Variants in CELF2 observed in about 807,000 individuals in gnomAD.
The protein encoded by CELF2 is CUGBP Elav-like family member 2, also known as CUG triplet repeat RNA-binding protein 2.
CELF2 carries 8 observed loss-of-function variants against 62.6 expected under a neutral mutation model. The observed-to-expected ratio is 0.13, with a 90% CI of 0.07 to 0.23. The LOEUF (loss-of-function observed/expected upper bound fraction) is 0.23, where lower values mean the gene tolerates loss of function less well. CELF2 is among the 10% of genes least tolerant of loss of function. CELF2 has a pLI of 1.00. For synonymous variants in CELF2, 258 were observed against 250.0 expected (o/e 1.03, Z -0.30); for missense variants, 333 against 671.0 (o/e 0.50, Z 5.56).
chr10:11,072,410 T>A (rs2070380443), intron 1 of CELF2, among the ~76,000 whole-genome samples: 1 of 152,226 alleles, frequency 6.6e-6, no homozygotes, highest in Non-Finnish European at 1.5e-5. Flanking sequence ...AATGAATGGT[T>A]GGACTGTGTT....
rs1017314481 is a variant in CELF2, at chr10:10,934,579, G to A, written c.89+14580G>A. The stretch of plus-strand genomic sequence containing the variant: ...AAACTCAGGCAATGAAGGAGGGAGC[G>A]AGCAGTCCACATGATTCTCACATTT... On this transcript the variant is annotated intron_variant, in intron 2 of 13. Coordinates refer to the CELF2 transcript ENST00000636488. The surrounding 1 kb of genome is among the most constrained non-coding windows in gnomAD (Gnocchi z 4.4). The A allele has an allele frequency of 4.6e-5, 7 of 152,174 alleles. No individual in the cohort carries two copies. The highest frequency in any genetic ancestry group is 1.3e-4 in the Admixed American group (2 of 15,290). The allele number at this position is 152,174 out of a possible 1,614,324, so 9.4% of individuals were successfully genotyped here. A position where few individuals can be genotyped will look rare whatever the true frequency, so the allele number is the denominator to read the frequency against.
chr10:11,302,079 G>A lies in CELF2; in HGVS notation c.977-12060G>A, dbSNP rs183100296. ...ACAAGCAAATCCCTGCTCTTCAACC[G>A]GCTGTCTTCTGGTGGGGTTTCTTTT... On this transcript the variant is annotated intron_variant, in intron 9 of 12. Transcript: ENST00000633077. This position sits in a 1 kb window ranked among gnomAD's most constrained non-coding sequence, Gnocchi z 5.0. Among the ~76,000 whole-genome samples, 8 of 152,278 alleles carry A rather than the reference G, an allele frequency of 5.3e-5. No individual in the cohort carries two copies. Among genetic ancestry groups the A allele is most frequent in the Admixed American group, 2.0e-4 (3 of 15,298 alleles).
chr10:10,551,901 T>C, the CELF2 span, among the ~76,000 whole-genome samples: 2 of 152,160 alleles, frequency 1.3e-5, no homozygotes, highest in Non-Finnish European at 2.9e-5. Context: ...CATAGCTCTT[T>C]AGAGGGCCGC....
chr10:11,200,356 A>T (rs550617301), intron 2 of CELF2, among the ~76,000 whole-genome samples: 44 of 152,338 alleles, frequency 2.9e-4, no homozygotes, highest in African/African-American at 1.0e-3. Context: ...GCATGTTCCT[A>T]CAGCAAAGAT....
the CELF2 span, among the ~76,000 whole-genome samples, chr10:10,622,827 C>G: frequency 6.6e-6 from 1 of 151,902 alleles, no homozygotes; most frequent in African/African-American, 2.4e-5. Flanking sequence ...GGCGCGGTGG[C>G]TTATGCCTGT....
chr10:10,715,279 A>G, the CELF2 span, among the ~76,000 whole-genome samples: 1 of 152,178 alleles, frequency 6.6e-6, no homozygotes, highest in African/African-American at 2.4e-5. Context: ...GTAACTGGGG[A>G]AAAAATTTGT....
intron 1 of CELF2, among the ~76,000 whole-genome samples, chr10:10,905,278 G>A (rs1158285346): frequency 6.6e-6 from 1 of 152,192 alleles, no homozygotes; most frequent in Non-Finnish European, 1.5e-5. Context: ...TGAATATTGA[G>A]AGTATTTTTA....
intron 1 of CELF2, among the ~76,000 whole-genome samples, chr10:10,869,913 A>T (rs181513517): frequency 6.6e-6 from 1 of 152,302 alleles, no homozygotes; most frequent in East Asian, 1.9e-4. Context: ...GAGTATAAGG[A>T]TCAGTCACAG....
At chr10:10,989,516 G>A (rs941107753) in intron 2 of CELF2, among the ~76,000 whole-genome samples, 4 of 152,028 alleles carry the variant, frequency 2.6e-5, no homozygotes, top group Non-Finnish European at 4.4e-5. Context: ...AAATAATTAT[G>A]TTGTATCTTC....
At chr10:11,056,941 C>T (rs902268316) in intron 1 of CELF2, among the ~76,000 whole-genome samples, 9 of 152,176 alleles carry the variant, frequency 5.9e-5, no homozygotes, top group African/African-American at 1.9e-4. Context: ...CCATGTTCAA[C>T]CTTCTAACCA....
chr10:11,326,116 T>G, intron 12 of CELF2, 137 bp downstream of exon 12: 2 of 890,490 alleles, frequency 2.2e-6, no homozygotes, highest in Non-Finnish European at 1.7e-6. Flanking sequence ...TGGATCCTTG[T>G]AAGCAGATTT....
chr10:10,743,602 A>G, the CELF2 span, among the ~76,000 whole-genome samples: 4 of 152,110 alleles, frequency 2.6e-5, no homozygotes, highest in Non-Finnish European at 5.9e-5. Context: ...CATTTTGTCT[A>G]TTTCCCACTC....
At chr10:10,538,362 C>CAG in the CELF2 span, among the ~76,000 whole-genome samples, 2 of 152,178 alleles carry the variant, frequency 1.3e-5, no homozygotes, top group Non-Finnish European at 1.5e-5. Flanking sequence ...CTCCTGGTCT[C>CAG]AGAGAGAGAT....
chr10:10,908,784 TTTTG>T (rs2063561546), intron 1 of CELF2, among the ~76,000 whole-genome samples: 1 of 152,120 alleles, frequency 6.6e-6, no homozygotes. Flanking sequence ...TTGCTGGTAC[TTTTG>T]TTTGTTTGTT....
intron 1 of CELF2, among the ~76,000 whole-genome samples, chr10:11,022,982 T>C (rs965141530): frequency 4.6e-5 from 7 of 152,240 alleles, no homozygotes; most frequent in Non-Finnish European, 8.8e-5. Context: ...GGAGCAAAAT[T>C]AATAAGTCAT....
intron 1 of CELF2, among the ~76,000 whole-genome samples, chr10:11,119,411 C>T (rs894471345): frequency 6.6e-6 from 1 of 151,148 alleles, no homozygotes; most frequent in African/African-American, 2.4e-5. Context: ...GATAGCAGAC[C>T]TCATTTCTTT....
At chr10:10,887,679 A>G (rs926076286) in intron 1 of CELF2, among the ~76,000 whole-genome samples, 4 of 152,162 alleles carry the variant, frequency 2.6e-5, no homozygotes, top group African/African-American at 4.8e-5. Context: ...TCATACATCA[A>G]AGCTTCTGGT....
chr10:11,304,186 G>T (rs562641837), intron 9 of CELF2, among the ~76,000 whole-genome samples: 7 of 152,172 alleles, frequency 4.6e-5, no homozygotes, highest in Non-Finnish European at 1.0e-4. Flanking sequence ...GGCTCTCGGG[G>T]TAAATCCATT....
chr10:11,099,110 G>A (rs115818595), intron 1 of CELF2, among the ~76,000 whole-genome samples: 5,390 of 152,268 alleles, frequency 0.035, 118 homozygotes, highest in Non-Finnish European at 0.045. Flanking sequence ...AGCAAAATAC[G>A]TGAATCAGTT....
Sources: allele counts gnomAD v4.1 joint callset (sites outside exome capture counted in the v4.1 genomes callset), GRCh38; gene constraint gnomAD v4.1.1; non-coding constraint Gnocchi (gnomAD v3.1); transcripts MANE v1.5; gene names NCBI Gene and HGNC (gene_info 2026-07-23, HGNC 2026-07-21).